Variants in DRC1 observed in about 807,000 individuals in gnomAD.
DRC1 encodes dynein regulatory complex subunit 1.
Under a neutral mutation model 98.7 loss-of-function variants are expected in DRC1, and 74 were observed. The ratio of observed to expected loss-of-function variants is 0.75; its 90% CI spans 0.62 to 0.91. The LOEUF is 0.91. Among genes scored for constraint, DRC1 ranks in the 40% least tolerant of loss-of-function variants. The pLI is 0.00. For missense variants in DRC1, 875 were observed against 886.0 expected, an observed-to-expected ratio of 0.99 and a Z score of 0.16; for synonymous variants, 336 against 334.1, an observed-to-expected ratio of 1.01 and a Z score of -0.06.
chr2:26,453,413 G>A lies in DRC1; in HGVS notation c.1783G>A (p.Glu595Lys). Residue 595 changes from glutamate (E) to lysine (K), a missense_variant, in exon 14 of 17, where the codon GAG becomes AAG. Transcript: ENST00000288710. ...ELELAEQTEM[E>K]GEKEESLVEG... is the part of the protein sequence containing the mutation. ...GGAGCTGGCAGAGCAGACGGAGATG[G>A]AGGGAGAAAAGGAAGAAAGCCTGGT... 6.2e-7 allele frequency: 1 copy of A among 1,614,214 alleles called. No homozygotes were observed. The highest frequency in any genetic ancestry group is 8.5e-7 in the Non-Finnish European group (1 of 1,180,052).
At chr2:26,408,635 G>C (rs1039731577) in intron 1 of DRC1, among the ~76,000 whole-genome samples, 1 of 152,068 alleles carries the variant, frequency 6.6e-6, no homozygotes, top group Non-Finnish European at 1.5e-5. Context: ...TAGCGGCGTG[G>C]TGGTGCATGC....
chr2:26,450,539 GC>G, intron 12 of DRC1, 52 bp from the exon 13 acceptor site: 4 of 1,542,928 alleles, frequency 2.6e-6, no homozygotes, highest in Non-Finnish European at 3.5e-6. Context: ...AGCTGCCCAA[GC>G]CCGTGGCCTC....
intron 7 of DRC1, among the ~76,000 whole-genome samples, chr2:26,434,545 C>T (rs1332020638): frequency 6.6e-6 from 1 of 152,176 alleles, no homozygotes; most frequent in Non-Finnish European, 1.5e-5. Context: ...GTGCAAAGCA[C>T]AGAGATAAGC....
chr2:26,429,982 G>A (rs971376899), intron 5 of DRC1, among the ~76,000 whole-genome samples: 2 of 152,186 alleles, frequency 1.3e-5, no homozygotes, highest in African/African-American at 4.8e-5. Flanking sequence ...CAGGGGCCTG[G>A]GGGTGCAGCT....
At chr2:26,420,763 CTTCTT>C (rs1663116999) in intron 2 of DRC1, among the ~76,000 whole-genome samples, 1 of 145,986 alleles carries the variant, frequency 6.8e-6, no homozygotes. Flanking sequence ...TCTTTTTCTT[CTTCTT>C]TTTTTTTTTT....
At chr2:26,432,751 C>T (rs988113994) in intron 7 of DRC1, among the ~76,000 whole-genome samples, 3 of 152,206 alleles carry the variant, frequency 2.0e-5, no homozygotes, top group African/African-American at 7.2e-5. Context: ...GTAATAATGG[C>T]AGCCATCAAG....
intron 1 of DRC1, among the ~76,000 whole-genome samples, chr2:26,412,083 G>A (rs1678628097): frequency 6.6e-6 from 1 of 152,162 alleles, no homozygotes; most frequent in Non-Finnish European, 1.5e-5. Flanking sequence ...GGAAGCCAAT[G>A]AAATGACAAG....
At chr2:26,444,197 A>G in intron 8 of DRC1, 25 bp from the exon 9 acceptor site, 1 of 1,613,826 alleles carries the variant, frequency 6.2e-7, no homozygotes, top group Non-Finnish European at 8.5e-7. Context: ...TCAGCTGCAG[A>G]CTAACCTTTT....
At chr2:26,439,992 T>C (rs1372380363) in intron 7 of DRC1, among the ~76,000 whole-genome samples, 1 of 127,806 alleles carries the variant, frequency 7.8e-6, no homozygotes, top group Non-Finnish European at 1.7e-5. Context: ...TATATATTTG[T>C]GTTTCAGAGC....
intron 8 of DRC1, among the ~76,000 whole-genome samples, chr2:26,442,109 C>T (rs1202893442): frequency 6.6e-6 from 1 of 152,214 alleles, no homozygotes; most frequent in African/African-American, 2.4e-5. Context: ...TGTGTCCTCA[C>T]ACAGTAGAAG....
chr2:26,429,555 G>A (rs1663377852), intron 4 of DRC1, 73 bp from the exon 5 acceptor site: 3 of 1,571,126 alleles, frequency 1.9e-6, no homozygotes, highest in Non-Finnish European at 2.6e-6. Flanking sequence ...GGTGAGAGGA[G>A]TCTAGAGAGA....
At chr2:26,430,247 T>G (rs2147991176) in intron 5 of DRC1, among the ~76,000 whole-genome samples, 1 of 152,216 alleles carries the variant, frequency 6.6e-6, no homozygotes. Flanking sequence ...GATTCAGGAA[T>G]CAGTATTTTG....
rs546207592 is a variant in DRC1 at position 26,430,406 on chromosome 2, C to T, written c.679-380C>T. On this transcript the variant is annotated intron_variant, in intron 5 of 16. Coordinates refer to ENST00000288710, the MANE Select transcript of DRC1 (RefSeq NM_145038.5). ...CTACCCCTTGTGAGTTTCATGCTGC[C>T]TTTGCTTCATGGGATCCCCAACCAT... 2.6e-5 allele frequency: 11 copies of T among 428,440 alleles called. No homozygotes were observed. The East Asian group carries it at 4.2e-4, about 16-fold the overall frequency. 26.5% of individuals were successfully genotyped at this position (428,440 alleles called of 1,614,324 possible). A position where few individuals can be genotyped will look rare whatever the true frequency, so the allele number is the denominator to read the frequency against.
chr2:26,452,279 A>G (rs1664026140), intron 13 of DRC1, among the ~76,000 whole-genome samples: 1 of 152,202 alleles, frequency 6.6e-6, no homozygotes, highest in South Asian at 2.1e-4. Flanking sequence ...TTTTTGAGAC[A>G]GAGTCTCACT....
intron 2 of DRC1, among the ~76,000 whole-genome samples, chr2:26,416,121 T>C (rs1678794388): frequency 6.6e-6 from 1 of 152,110 alleles, no homozygotes; most frequent in African/African-American, 2.4e-5. Flanking sequence ...AGGAATTAAG[T>C]AGTGAAGAGC....
chr2:26,415,807 C>T (rs1288591783), intron 2 of DRC1, among the ~76,000 whole-genome samples: 3 of 152,228 alleles, frequency 2.0e-5, no homozygotes, highest in Admixed American at 6.5e-5. Flanking sequence ...TGGCACACGC[C>T]TGGGGTCCCC....
chr2:26,414,360 T>C lies in DRC1; in HGVS notation c.172T>C (p.Tyr58His), dbSNP rs74936036. ...EARRREALGE[Y>H]LDGKKESEED... ...CCATCACAGGGAAGCACTTGGAGAA[T>C]ATTTAGATGGGAAGAAGGAGAGTGA... The change falls in exon 2 of 17, where the codon TAT becomes CAT. Residue 58 changes from tyrosine to histidine, a missense_variant. Tyr to His is a moderately conservative substitution (Grantham distance 83, BLOSUM62 2). Coordinates refer to ENST00000288710, the MANE Select transcript of DRC1 (RefSeq NM_145038.5). The C allele has an allele frequency of 4.4e-3, 7,063 of 1,613,834 alleles. 247 individuals carry two copies. The African/African-American group carries it at 0.078, about 18-fold the overall frequency.
chr2:26,436,933 G>T (rs1345643686), intron 7 of DRC1, among the ~76,000 whole-genome samples: 1 of 152,136 alleles, frequency 6.6e-6, no homozygotes. Flanking sequence ...CAGTTCCGAA[G>T]ACCCTCCTTC....
chr2:26,423,287 A>C (rs1225737163), intron 3 of DRC1, among the ~76,000 whole-genome samples: 1 of 152,134 alleles, frequency 6.6e-6, no homozygotes, highest in Admixed American at 6.5e-5. Context: ...TTCTTGAAAT[A>C]AAAAAGTCAA....
Sources: gnomAD v4.1 joint callset for allele counts (sites outside exome capture counted in the v4.1 genomes callset) on GRCh38, gnomAD v4.1.1 for gene constraint, MANE v1.5 for transcripts, NCBI Gene and HGNC (gene_info 2026-07-23, HGNC 2026-07-21) for gene names.